TULP4: variants seen among roughly 807,000 people sequenced by gnomAD.
TULP4 encodes the protein TUB like protein 4.
TULP4 carries 16 observed loss-of-function variants against 129.0 expected under a neutral mutation model. That is an observed-to-expected ratio of 0.12 (90% CI 0.08 to 0.19). TULP4 has a LOEUF of 0.19. Ranked by LOEUF, TULP4 falls within the 10% of genes least tolerant of loss-of-function variation. The pLI is 1.00. For missense variants in TULP4, 1,842 were observed against 2,059.1 expected (o/e 0.89, Z 2.04); for synonymous variants, 998 against 854.0 (o/e 1.17, Z -2.94).
chr6:158,466,443 C>T (rs906395473), intron 6 of TULP4, among the ~76,000 whole-genome samples: 14 of 192 alleles, frequency 0.073, no homozygotes, highest in African/African-American at 0.19. Context: ...TTTTGATTTG[C>T]ATTTCCTAAG....
chr6:158,419,006 T>C (rs1426570088), intron 2 of TULP4, among the ~76,000 whole-genome samples: 1 of 152,256 alleles, frequency 6.6e-6, no homozygotes, highest in Non-Finnish European at 1.5e-5. Context: ...AAAGAGCTTT[T>C]TATTTTTATT....
At position 158,261,457 on chromosome 6, in the gene TULP4, C is replaced by T. The variant is rs185397620; in HGVS notation, n.68+29154C>T. Among the ~76,000 whole-genome samples the T allele has an allele frequency of 7.9e-5, 12 of 152,204 alleles. No homozygotes were observed. The East Asian group carries it at 9.7e-4, about 12-fold the overall frequency. ...TAGCTTAAGACTGTAGGATATTCCC[C>T]GCAGATAACTTAGGTAATTGGGAGC... On this transcript the variant is annotated intron_variant and non_coding_transcript_variant, in intron 1 of 1. Coordinates refer to the TULP4 transcript ENST00000620026.
chr6:158,405,317 C>T (rs1341828372), intron 1 of TULP4, among the ~76,000 whole-genome samples: 3 of 152,086 alleles, frequency 2.0e-5, no homozygotes, highest in Non-Finnish European at 4.4e-5. Context: ...GTGGGGGTGA[C>T]GAAGTCCAGC....
rs909595927 is a variant in TULP4 at position 158,455,217 on chromosome 6, G to C, written c.859+2949G>C. 3.0e-5 allele frequency among the ~76,000 whole-genome samples: 2 copies of C among 67,500 alleles called. 1 individual carries two copies. The highest frequency in any genetic ancestry group is 5.5e-5 in the Non-Finnish European group (2 of 36,476). 44.3% of individuals were successfully genotyped at this position (67,500 alleles called of 152,430 possible). ...AGCCTCCCGAGTAGCTGGGACTACAGGCGCCCGCCACCGCGCCCGGCTAAT... is the reference window on the plus strand; with the variant it reads ...AGCCTCCCGAGTAGCTGGGACTACACGCGCCCGCCACCGCGCCCGGCTAAT... On this transcript the variant is annotated intron_variant, in intron 5 of 13. Coordinates refer to ENST00000367097, the MANE Select transcript of TULP4 (RefSeq NM_020245.5).
intron 12 of TULP4, among the ~76,000 whole-genome samples, chr6:158,499,573 T>G (rs1381499669): frequency 1.3e-5 from 2 of 152,214 alleles, no homozygotes; most frequent in Non-Finnish European, 2.9e-5. Flanking sequence ...GAAAATAACT[T>G]GCTTTTCTAA....
intron 1 of TULP4, among the ~76,000 whole-genome samples, chr6:158,252,287 TTTTTAGAAAGTC>T (rs1290009519): frequency 1.3e-5 from 2 of 152,092 alleles, no homozygotes; most frequent in Admixed American, 6.6e-5. Flanking sequence ...CTACCTTGAT[TTTTTAGAAAGTC>T]TTTTTCCCAT....
chr6:158,429,012 T>G (rs1277120762), intron 2 of TULP4, among the ~76,000 whole-genome samples: 1 of 152,198 alleles, frequency 6.6e-6, no homozygotes, highest in Non-Finnish European at 1.5e-5. Context: ...AGACAATACC[T>G]TGTTCTGTCA....
intron 6 of TULP4, among the ~76,000 whole-genome samples, chr6:158,465,283 A>G (rs958918441): frequency 1.3e-5 from 2 of 152,126 alleles, no homozygotes; most frequent in African/African-American, 4.8e-5. Flanking sequence ...GGCTTATTTC[A>G]CTTAGCATAA....
chr6:158,319,883 A>G (rs1247861572), intron 1 of TULP4, among the ~76,000 whole-genome samples: 1 of 152,222 alleles, frequency 6.6e-6, no homozygotes, highest in Non-Finnish European at 1.5e-5. Flanking sequence ...ATCCTGTGAT[A>G]CATAGCTTCA....
At chr6:158,495,772 G>A (rs745953441) in intron 11 of TULP4, among the ~76,000 whole-genome samples, 6 of 151,944 alleles carry the variant, frequency 3.9e-5, no homozygotes, top group East Asian at 1.9e-4. Context: ...CCCAGGGGGC[G>A]GAGGTTGCTG....
At chr6:158,236,951 C>T (rs1004278823) in intron 1 of TULP4, among the ~76,000 whole-genome samples, 2 of 151,656 alleles carry the variant, frequency 1.3e-5, no homozygotes, top group African/African-American at 2.4e-5. Context: ...GCTGGGACTA[C>T]AGGTGCGTGC....
chr6:158,496,259 C>A (rs764579953), intron 11 of TULP4, among the ~76,000 whole-genome samples: 2 of 152,212 alleles, frequency 1.3e-5, no homozygotes, highest in Non-Finnish European at 2.9e-5. Context: ...GCGTGCTGTG[C>A]GTAACCTACT....
At chr6:158,425,854 A>T (rs1384412022) in intron 2 of TULP4, among the ~76,000 whole-genome samples, 1 of 152,142 alleles carries the variant, frequency 6.6e-6, no homozygotes. Flanking sequence ...TTGGCCTCCC[A>T]AAGTGTTGGG....
intron 6 of TULP4, among the ~76,000 whole-genome samples, chr6:158,469,490 G>C (rs182705337): frequency 6.6e-6 from 1 of 152,094 alleles, no homozygotes; most frequent in Non-Finnish European, 1.5e-5. Flanking sequence ...GCCAAGGCTG[G>C]TCTTGATTTT....
At chr6:158,405,386 G>C (rs1295453189) in intron 1 of TULP4, among the ~76,000 whole-genome samples, 1 of 152,092 alleles carries the variant, frequency 6.6e-6, no homozygotes, top group Non-Finnish European at 1.5e-5. Context: ...GGGGGCCATC[G>C]CTAGTGTGTA....
At chr6:158,392,408 A>C (rs1199040213) in intron 1 of TULP4, among the ~76,000 whole-genome samples, 1 of 152,222 alleles carries the variant, frequency 6.6e-6, no homozygotes, top group African/African-American at 2.4e-5. Context: ...GCCTACCTGT[A>C]GCTTATGCAA....
intron 1 of TULP4, among the ~76,000 whole-genome samples, chr6:158,405,863 C>T (rs774208962): frequency 6.6e-6 from 1 of 152,202 alleles, no homozygotes; most frequent in Non-Finnish European, 1.5e-5. Flanking sequence ...CCACCAGGAA[C>T]GTCTTAGTTT....
chr6:158,237,612 C>A lies in TULP4; in HGVS notation n.68+5309C>A, dbSNP rs893784082. The stretch of plus-strand genomic sequence containing the variant: ...TTCCCTGGTAGAAAGAACATTCTTG[C>A]ATTGGCAGCCATCTTTCTGGATCTG... On this transcript the variant is annotated intron_variant and non_coding_transcript_variant, in intron 1 of 1. Transcript: ENST00000620026. 7 of 1,435,530 alleles carry A rather than the reference C, an allele frequency of 4.9e-6. No homozygotes were observed. In the African/African-American group the frequency reaches 9.9e-5, roughly 20 times the overall value. 88.9% of individuals were successfully genotyped at this position (1,435,530 alleles called of 1,614,324 possible).
chr6:158,404,754 C>T (rs1383167181), intron 1 of TULP4, among the ~76,000 whole-genome samples: 1 of 128,014 alleles, frequency 7.8e-6, no homozygotes, highest in Admixed American at 9.1e-5. Flanking sequence ...CCAGCCTGAG[C>T]GACAGAGGAG....
Sources: allele counts gnomAD v4.1 joint callset (sites outside exome capture counted in the v4.1 genomes callset), GRCh38; gene constraint gnomAD v4.1.1; transcripts MANE v1.5; gene names NCBI Gene and HGNC (gene_info 2026-07-23, HGNC 2026-07-21).